The following EGFR variants were observed in gnomAD, a reference collection of about 807,000 sequenced individuals.
EGFR encodes epidermal growth factor receptor.
EGFR carries 58 observed loss-of-function variants against 143.0 expected under a neutral mutation model. The ratio of observed to expected loss-of-function variants is 0.41; its 90% CI spans 0.33 to 0.50. The LOEUF (loss-of-function observed/expected upper bound fraction) is 0.50. Among genes scored for constraint, EGFR ranks in the 20% least tolerant of loss-of-function variants. The pLI, the probability that EGFR is intolerant of heterozygous loss-of-function variation, is 0.39. For missense variants in EGFR, 1,307 were observed against 1,579.0 expected, an observed-to-expected ratio of 0.83 and a Z score of 2.92; for synonymous variants, 613 against 594.4, an observed-to-expected ratio of 1.03 and a Z score of -0.45.
chr7:55,111,154 G>T (rs569478317), intron 1 of EGFR, among the ~76,000 whole-genome samples: 257 of 152,252 alleles, frequency 1.7e-3, no homozygotes, highest in Non-Finnish European at 2.9e-3. Context: ...GGTATCGCGC[G>T]GTGTGTGCTC....
At chr7:55,172,597 C>T (rs568536296) in intron 16 of EGFR, among the ~76,000 whole-genome samples, 1 of 152,302 alleles carries the variant, frequency 6.6e-6, no homozygotes, top group East Asian at 1.9e-4. Flanking sequence ...TGGACTATGG[C>T]ACTTCAATTG....
At chr7:55,110,003 T>TA in intron 1 of EGFR, 2 of 933,678 alleles carry the variant, frequency 2.1e-6, no homozygotes, top group Non-Finnish European at 2.6e-6. Flanking sequence ...ATGTGAGAGA[T>TA]AACAGCATAA....
In EGFR at chr7:55,209,780, G is replaced by C. The variant is rs1368757344; in HGVS notation, c.*4163G>C. The C allele has an allele frequency of 6.6e-6, 1 of 152,138 alleles. No homozygotes were observed. The highest frequency in any genetic ancestry group is 6.5e-5 in the Admixed American group (1 of 15,280). The allele number at this position is 152,138 out of a possible 1,614,324, so 9.4% of individuals were successfully genotyped here. On this transcript the variant is annotated 3_prime_UTR_variant, in exon 28 of 28. Transcript: ENST00000275493. ...TGTTGCGGGATATAGTTCTCTTTAT[G>C]TAGCACTGAACTTTGTACAATATAT...
chr7:55,030,379 T>C (rs553450044), intron 1 of EGFR, among the ~76,000 whole-genome samples: 2 of 152,264 alleles, frequency 1.3e-5, no homozygotes, highest in Non-Finnish European at 2.9e-5. Context: ...TTCCCAGGTT[T>C]CTTTTTTGTT....
At position 55,083,138 on chromosome 7, in the gene EGFR, C is replaced by T. The variant is rs529434997; in HGVS notation, c.89-59148C>T. On this transcript the variant is annotated intron_variant, in intron 1 of 27. Transcript: ENST00000275493. ...AAAACCCCATTCTCAAATAAGGTTA[C>T]TTCACAAGTGCTGGAGGTTAGGACT... 5.2e-5 allele frequency among the ~76,000 whole-genome samples: 8 copies of T among 152,382 alleles called. No homozygotes were observed. The South Asian group carries it at 1.0e-3, about 20-fold the overall frequency.
At chr7:55,122,107 G>A (rs1793243938) in intron 1 of EGFR, among the ~76,000 whole-genome samples, 1 of 152,168 alleles carries the variant, frequency 6.6e-6, no homozygotes, top group South Asian at 2.1e-4. Context: ...CTGCTCTCTA[G>A]GAGCCTCTGT....
At chr7:55,140,046 C>T (rs1194086578) in intron 1 of EGFR, among the ~76,000 whole-genome samples, 1 of 151,142 alleles carries the variant, frequency 6.6e-6, no homozygotes, top group East Asian at 2.0e-4. Context: ...CCTGAAGGGG[C>T]TTTTGGGGGG....
At chr7:55,031,324 G>T (rs17288966) in intron 1 of EGFR, among the ~76,000 whole-genome samples, 272 of 152,316 alleles carry the variant, frequency 1.8e-3, no homozygotes, top group Non-Finnish European at 3.3e-3. Context: ...TCTTGCAAAG[G>T]TTACTTGGGC....
chr7:55,115,610 G>A (rs1792791286), intron 1 of EGFR, among the ~76,000 whole-genome samples: 1 of 152,130 alleles, frequency 6.6e-6, no homozygotes, highest in South Asian at 2.1e-4. Flanking sequence ...CCTTCCTGAA[G>A]GTATAGTGAA....
At chr7:55,145,640 C>G (rs1794722567) in intron 3 of EGFR, among the ~76,000 whole-genome samples, 1 of 152,206 alleles carries the variant, frequency 6.6e-6, no homozygotes, top group South Asian at 2.1e-4. Flanking sequence ...ACAACATGCC[C>G]ATTCCCTGCC....
chr7:55,160,640 C>T (rs969050129), intron 12 of EGFR, among the ~76,000 whole-genome samples: 1 of 152,242 alleles, frequency 6.6e-6, no homozygotes, highest in Non-Finnish European at 1.5e-5. Flanking sequence ...ACTCTCTGCT[C>T]ATTTCAGCCT....
intron 1 of EGFR, among the ~76,000 whole-genome samples, chr7:55,136,769 C>T (rs1456578776): frequency 6.6e-6 from 1 of 152,200 alleles, no homozygotes; most frequent in African/African-American, 2.4e-5. Context: ...GGCTGGGAGC[C>T]AGAGCTCCCA....
chr7:55,087,090 A>G (rs960695435), intron 1 of EGFR, among the ~76,000 whole-genome samples: 3 of 152,046 alleles, frequency 2.0e-5, no homozygotes, highest in Admixed American at 2.0e-4. Context: ...GAAACAGGGA[A>G]AAATATTTTC....
intron 1 of EGFR, among the ~76,000 whole-genome samples, chr7:55,048,120 A>C (rs1427876400): frequency 6.6e-6 from 1 of 152,066 alleles, no homozygotes; most frequent in Non-Finnish European, 1.5e-5. Context: ...TATTAGGAGG[A>C]TGTGCTTGTT....
At chr7:55,028,009 T>C (rs1030401478) in intron 1 of EGFR, among the ~76,000 whole-genome samples, 1 of 133,768 alleles carries the variant, frequency 7.5e-6, no homozygotes, top group Non-Finnish European at 1.6e-5. Flanking sequence ...TATATATATA[T>C]ATATATATAT....
rs1396097995 is a variant in EGFR at position 55,208,363 on chromosome 7, T to A, written c.*2746T>A. 2 of 152,196 alleles carry A rather than the reference T, an allele frequency of 1.3e-5. No individual in the cohort carries two copies. Among genetic ancestry groups the A allele is most frequent in the Non-Finnish European group, 2.9e-5 (2 of 68,060 alleles). The allele number at this position is 152,196 out of a possible 1,614,324, so 9.4% of individuals were successfully genotyped here. Reference sequence around the variant, plus strand: ...CTCCATCCCTGAAGGTCTTCCTGATTGATAGCCTGGCCTTAATACCCTACA... The same window carrying A: ...CTCCATCCCTGAAGGTCTTCCTGATAGATAGCCTGGCCTTAATACCCTACA... On this transcript the variant is annotated 3_prime_UTR_variant, in exon 28 of 28. Coordinates refer to ENST00000275493, the MANE Select transcript of EGFR (RefSeq NM_005228.5).
intron 1 of EGFR, among the ~76,000 whole-genome samples, chr7:55,077,245 T>C (rs1480846992): frequency 6.6e-6 from 1 of 152,166 alleles, no homozygotes; most frequent in African/African-American, 2.4e-5. Context: ...GTGTGGTATT[T>C]TTAAACTGAG....
At chr7:55,132,153 T>A (rs1374643251) in intron 1 of EGFR, among the ~76,000 whole-genome samples, 1 of 152,116 alleles carries the variant, frequency 6.6e-6, no homozygotes, top group African/African-American at 2.4e-5. Context: ...ATTGATTTTT[T>A]AAAAAACATG....
intron 1 of EGFR, among the ~76,000 whole-genome samples, chr7:55,120,019 C>T (rs1022891010): frequency 6.6e-6 from 1 of 152,202 alleles, no homozygotes; most frequent in Non-Finnish European, 1.5e-5. Flanking sequence ...AGTGCTGAGG[C>T]CAGTATGCTG....
Sources: gnomAD v4.1 joint callset for allele counts (sites outside exome capture counted in the v4.1 genomes callset) on GRCh38, gnomAD v4.1.1 for gene constraint, MANE v1.5 for transcripts, NCBI Gene and HGNC (gene_info 2026-07-23, HGNC 2026-07-21) for gene names.